The following NAALADL2 variants were observed in gnomAD, a reference collection of about 807,000 sequenced individuals.
NAALADL2 encodes inactive N-acetylated-alpha-linked acidic dipeptidase-like protein 2.
In NAALADL2, 76 loss-of-function variants were observed where a neutral mutation model predicts 87.2. That is an observed-to-expected ratio of 0.87 (90% CI 0.72 to 1.05). The LOEUF is 1.05. Ranked by LOEUF, NAALADL2 falls within the 50% of genes least tolerant of loss-of-function variation. The pLI is 0.00. For missense variants in NAALADL2, 1,089 were observed against 945.8 expected (o/e 1.15, Z -1.99); for synonymous variants, 354 against 331.0 (o/e 1.07, Z -0.75).
At chr3:175,251,478 A>G (rs574651832) in intron 3 of NAALADL2, among the ~76,000 whole-genome samples, 9 of 152,350 alleles carry the variant, frequency 5.9e-5, no homozygotes, top group African/African-American at 2.2e-4. Context: ...TACAGAATGG[A>G]TAGCTTAAGT....
intron 1 of NAALADL2, among the ~76,000 whole-genome samples, chr3:175,077,919 A>G (rs184995155): frequency 2.0e-5 from 3 of 152,166 alleles, no homozygotes; most frequent in Admixed American, 1.3e-4. Flanking sequence ...TGGAATATAT[A>G]GTTTTACCTC....
intron 1 of NAALADL2, among the ~76,000 whole-genome samples, chr3:175,049,056 G>T (rs1025758006): frequency 2.6e-5 from 4 of 152,062 alleles, no homozygotes; most frequent in Admixed American, 2.0e-4. Flanking sequence ...AGAGCCCTCC[G>T]CCAGTGGATG....
At chr3:174,531,799 C>G (rs899091220) in intron 1 of NAALADL2, among the ~76,000 whole-genome samples, 4 of 152,130 alleles carry the variant, frequency 2.6e-5, no homozygotes, top group African/African-American at 9.7e-5. Flanking sequence ...TACGGATTAC[C>G]TGTCTGCATT....
intron 5 of NAALADL2, among the ~76,000 whole-genome samples, chr3:175,409,106 G>A (rs1712971341): frequency 1.3e-5 from 2 of 151,798 alleles, no homozygotes; most frequent in South Asian, 4.1e-4. Context: ...TACACATGGA[G>A]ATTTTTCTTT....
At chr3:174,636,840 C>T (rs1338303288) in intron 2 of NAALADL2, among the ~76,000 whole-genome samples, 1 of 152,084 alleles carries the variant, frequency 6.6e-6, no homozygotes, top group Non-Finnish European at 1.5e-5. Context: ...AAGGAAAATA[C>T]ATCAGCATGT....
chr3:175,067,395 C>T lies in NAALADL2; in HGVS notation c.44-29395C>T, dbSNP rs1714720434. 5.3e-5 allele frequency among the ~76,000 whole-genome samples: 8 copies of T among 152,030 alleles called. No individual in the cohort carries two copies. In the South Asian group the frequency reaches 1.7e-3, roughly 32 times the overall value. ...TTCATAAGAAACTTAAACAACTCAA[C>T]AAGCAAACAACAACAACAGACATTA... On this transcript the variant is annotated intron_variant, in intron 1 of 13. Coordinates refer to ENST00000454872, the MANE Select transcript of NAALADL2 (RefSeq NM_207015.3).
At chr3:174,559,100 A>T (rs1433723589) in intron 2 of NAALADL2, among the ~76,000 whole-genome samples, 1 of 152,152 alleles carries the variant, frequency 6.6e-6, no homozygotes, top group Non-Finnish European at 1.5e-5. Flanking sequence ...TTTGCTTGTT[A>T]TCCCTGGAAA....
At chr3:175,793,014 A>C (rs1376920535) in intron 13 of NAALADL2, among the ~76,000 whole-genome samples, 1 of 152,238 alleles carries the variant, frequency 6.6e-6, no homozygotes, top group East Asian at 1.9e-4. Flanking sequence ...TCTCAAATGT[A>C]CGTGCCAACA....
intron 2 of NAALADL2, among the ~76,000 whole-genome samples, chr3:175,160,594 C>G (rs964488810): frequency 6.6e-6 from 1 of 151,588 alleles, no homozygotes; most frequent in Non-Finnish European, 1.5e-5. Context: ...TCAGGTGATC[C>G]GCCCGCCTCG....
intron 2 of NAALADL2, among the ~76,000 whole-genome samples, chr3:175,226,190 A>C (rs898235358): frequency 2.0e-5 from 3 of 152,096 alleles, no homozygotes; most frequent in African/African-American, 7.2e-5. Flanking sequence ...AGGAGAGACT[A>C]TTACGTTCTC....
intron 10 of NAALADL2, among the ~76,000 whole-genome samples, chr3:175,594,905 TG>T (rs1202749347): frequency 6.6e-6 from 1 of 152,134 alleles, no homozygotes; most frequent in African/African-American, 2.4e-5. Flanking sequence ...ATTAGACTTT[TG>T]TTGGATGCAT....
At chr3:174,584,290 G>A (rs777677827) in intron 2 of NAALADL2, among the ~76,000 whole-genome samples, 12 of 152,100 alleles carry the variant, frequency 7.9e-5, no homozygotes, top group Non-Finnish European at 1.8e-4. Flanking sequence ...CAAGTAATCA[G>A]ATACACATAA....
chr3:175,361,900 T>G (rs1014241302), intron 5 of NAALADL2, among the ~76,000 whole-genome samples: 8 of 148,190 alleles, frequency 5.4e-5, no homozygotes, highest in African/African-American at 2.0e-4. Context: ...TTTTGGCTTT[T>G]GTTGCCATTG....
chr3:175,571,855 T>A (rs1487413873), intron 9 of NAALADL2, among the ~76,000 whole-genome samples: 1 of 152,138 alleles, frequency 6.6e-6, no homozygotes, highest in Non-Finnish European at 1.5e-5. Context: ...CTGGGCAAAT[T>A]GGGTTATCTG....
At chr3:175,453,593 T>G (rs1721894171) in intron 6 of NAALADL2, among the ~76,000 whole-genome samples, 1 of 152,180 alleles carries the variant, frequency 6.6e-6, no homozygotes, top group Non-Finnish European at 1.5e-5. Flanking sequence ...GATATGATAT[T>G]CTTCCGAGAA....
intron 1 of NAALADL2, among the ~76,000 whole-genome samples, chr3:174,516,328 A>G (rs779640093): frequency 2.8e-4 from 42 of 152,064 alleles, no homozygotes; most frequent in Non-Finnish European, 5.2e-4. Context: ...ACTGCTGTAT[A>G]TGTGAAAGGA....
At chr3:175,773,640 T>C (rs1046265483) in intron 13 of NAALADL2, 8 of 152,142 alleles carry the variant, frequency 5.3e-5, no homozygotes, top group African/African-American at 1.7e-4. Context: ...AATTTTAACT[T>C]TTCATGTAGT....
chr3:175,528,535 C>G (rs1733706874), intron 9 of NAALADL2, among the ~76,000 whole-genome samples: 2 of 152,060 alleles, frequency 1.3e-5, no homozygotes, highest in South Asian at 4.1e-4. Flanking sequence ...CACTTTGCAT[C>G]CTTCAATCCA....
At chr3:174,586,737 C>G (rs1716767634) in intron 2 of NAALADL2, among the ~76,000 whole-genome samples, 1 of 152,108 alleles carries the variant, frequency 6.6e-6, no homozygotes, top group South Asian at 2.1e-4. Context: ...AACACGTATT[C>G]AGATGTTTCT....
Sources: gnomAD v4.1 joint callset for allele counts (sites outside exome capture counted in the v4.1 genomes callset) on GRCh38, gnomAD v4.1.1 for gene constraint, MANE v1.5 for transcripts, NCBI Gene and HGNC (gene_info 2026-07-23, HGNC 2026-07-21) for gene names.